The following METTL8 variants were observed in gnomAD, a reference collection of about 807,000 sequenced individuals.
The protein encoded by METTL8 is tRNA N(3)-cytidine methyltransferase METTL8, mitochondrial.
In METTL8, 32 loss-of-function variants were observed where a neutral mutation model predicts 48.7. The observed-to-expected ratio is 0.66, with a 90% confidence interval of 0.50 to 0.88. The LOEUF (loss-of-function observed/expected upper bound fraction) is 0.88. Among genes scored for constraint, METTL8 ranks in the 40% least tolerant of loss-of-function variants. METTL8 has a pLI of 0.00. For missense variants in METTL8, 464 were observed against 474.4 expected (o/e 0.98, Z 0.20); for synonymous variants, 136 against 157.1 (o/e 0.87, Z 1.01).
intron 5 of METTL8, chr2:171,332,720 T>C (rs1685667156): frequency 6.6e-6 from 1 of 152,240 alleles, no homozygotes; most frequent in Admixed American, 6.5e-5. Context: ...ATGGGTTTTA[T>C]AGTCTAGTTG....
rs1279514022 is a variant in METTL8 at position 171,319,414 on chromosome 2, T to C, written c.*4758A>G. 6.6e-6 allele frequency: 1 copy of C among 152,226 alleles called. No individual in the cohort carries two copies. Among genetic ancestry groups the C allele is most frequent in the Non-Finnish European group, 1.5e-5 (1 of 68,038 alleles). 9.4% of individuals were successfully genotyped at this position (152,226 alleles called of 1,614,324 possible). On this transcript the variant is annotated 3_prime_UTR_variant, in exon 10 of 10. Transcript: ENST00000375258. ...CATCAAAACCAATTAGAAGTAACAA[T>C]GTGTGATCTATTCAGGCTTCAGGAC...
At chr2:171,397,983 T>C (rs923252648) in intron 1 of METTL8, among the ~76,000 whole-genome samples, 3 of 152,114 alleles carry the variant, frequency 2.0e-5, no homozygotes, top group African/African-American at 4.8e-5. Context: ...ACCCAGAATA[T>C]AACAAGTATT....
At chr2:171,340,795 C>A (rs1453274475) in intron 3 of METTL8, among the ~76,000 whole-genome samples, 1 of 152,166 alleles carries the variant, frequency 6.6e-6, no homozygotes, top group African/African-American at 2.4e-5. Flanking sequence ...CACAGTGAAT[C>A]CATGGCCATG....
chr2:171,386,892 C>T (rs2105548171), intron 2 of METTL8, among the ~76,000 whole-genome samples: 1 of 152,266 alleles, frequency 6.6e-6, no homozygotes, highest in South Asian at 2.1e-4. Flanking sequence ...AGAAGCACAT[C>T]AGGAGGCACC....
chr2:171,341,144 A>G (rs930786283), intron 3 of METTL8, among the ~76,000 whole-genome samples: 9 of 151,976 alleles, frequency 5.9e-5, no homozygotes, highest in African/African-American at 1.4e-4. Flanking sequence ...CCTGACCAAC[A>G]TGGTGAAACC....
At chr2:171,418,739 A>G (rs764986941) in intron 1 of METTL8, among the ~76,000 whole-genome samples, 1 of 152,060 alleles carries the variant, frequency 6.6e-6, no homozygotes, top group Non-Finnish European at 1.5e-5. Flanking sequence ...GGATCACCTA[A>G]GCTCAGGAGT....
chr2:171,423,622 C>T (rs1026774849), intron 1 of METTL8, among the ~76,000 whole-genome samples: 1 of 152,162 alleles, frequency 6.6e-6, no homozygotes, highest in African/African-American at 2.4e-5. Flanking sequence ...TGCAAAGATA[C>T]TGGAGGCATT....
At chr2:171,330,764 TAAATAAAAAGGTCAAA>T in intron 6 of METTL8, 66 bp from the exon 7 acceptor site, 7 of 1,280,838 alleles carry the variant, frequency 5.5e-6, no homozygotes, top group Non-Finnish European at 6.4e-6. Context: ...TTTTTTTTTT[TAAATAAAAAGGTCAAA>T]TTTTTAACCT....
chr2:171,358,620 G>A (rs567045564), intron 3 of METTL8, among the ~76,000 whole-genome samples: 38 of 152,202 alleles, frequency 2.5e-4, no homozygotes, highest in African/African-American at 8.9e-4. Flanking sequence ...GCAGAAGAAT[G>A]AAACTAGATT....
rs1315444278 is a variant in METTL8, at chr2:171,333,544, C to G, written c.657-1677G>C. On this transcript the variant is annotated intron_variant, in intron 5 of 9. Transcript: ENST00000375258. ...ATTAATAGGATTTTGTTATGAAAAG[C>G]TAACCAGTACTGAATCAAAGTTAAA... Among the ~76,000 whole-genome samples, 3 of 152,202 alleles carry G rather than the reference C, an allele frequency of 2.0e-5. No individual in the cohort carries two copies. In the East Asian group the frequency reaches 5.8e-4, roughly 29 times the overall value.
intron 4 of METTL8, among the ~76,000 whole-genome samples, chr2:171,338,897 A>C (rs149409194): frequency 2.0e-5 from 3 of 152,300 alleles, no homozygotes; most frequent in African/African-American, 7.2e-5. Flanking sequence ...GTAAAAATTA[A>C]GGCCAAAGCT....
intron 3 of METTL8, among the ~76,000 whole-genome samples, chr2:171,354,833 C>T (rs570515851): frequency 1.6e-4 from 24 of 151,978 alleles, no homozygotes; most frequent in South Asian, 4.2e-4. Context: ...GACTTCTCTA[C>T]GCTGTTTATT....
At chr2:171,327,184 C>G (rs2105388599) in intron 7 of METTL8, 1 of 152,324 alleles carries the variant, frequency 6.6e-6, no homozygotes, top group African/African-American at 2.4e-5. Context: ...TTGCTTTTCT[C>G]CTTTACTGTT....
At chr2:171,372,875 A>G (rs536435040) in intron 2 of METTL8, among the ~76,000 whole-genome samples, 137 of 152,194 alleles carry the variant, frequency 9.0e-4, no homozygotes, top group African/African-American at 1.2e-3. Flanking sequence ...TCTTCATCCA[A>G]TCTATCACTG....
At chr2:171,370,574 G>T (rs1686219386) in intron 2 of METTL8, among the ~76,000 whole-genome samples, 1 of 152,132 alleles carries the variant, frequency 6.6e-6, no homozygotes, top group Non-Finnish European at 1.5e-5. Context: ...GGCAGATCAT[G>T]AGGTAAGGAG....
rs150536147 is a variant in METTL8 at position 171,343,161 on chromosome 2, G to A, written c.236-3607C>T. Among the ~76,000 whole-genome samples the A allele has an allele frequency of 6.4e-3, 971 of 152,210 alleles. 12 individuals carry two copies. The highest frequency in any genetic ancestry group is 0.021 in the African/African-American group (882 of 41,522). Reference sequence around the variant, plus strand: ...AATTTAAAAATAAAAGATAATAAGCGGGGCATGATGGCTCATGCCTACAAT... The same window carrying A: ...AATTTAAAAATAAAAGATAATAAGCAGGGCATGATGGCTCATGCCTACAAT... On this transcript the variant is annotated intron_variant, in intron 3 of 9. Coordinates refer to ENST00000375258, the MANE Select transcript of METTL8 (RefSeq NM_001321154.2).
intron 1 of METTL8, among the ~76,000 whole-genome samples, chr2:171,401,409 G>A (rs1001954391): frequency 2.6e-5 from 4 of 152,090 alleles, no homozygotes; most frequent in Non-Finnish European, 5.9e-5. Context: ...TATAAATAAG[G>A]TTATTAGCAA....
At chr2:171,348,350 C>T (rs962302361) in intron 3 of METTL8, among the ~76,000 whole-genome samples, 3 of 152,186 alleles carry the variant, frequency 2.0e-5, no homozygotes, top group Non-Finnish European at 4.4e-5. Flanking sequence ...CTACTCAACA[C>T]TGTGACTATA....
chr2:171,327,139 C>G (rs1232355406), intron 7 of METTL8: 1 of 152,238 alleles, frequency 6.6e-6, no homozygotes, highest in Non-Finnish European at 1.5e-5. Context: ...AAATTTTATT[C>G]ACATTCCAAG....
Sources: allele counts gnomAD v4.1 joint callset (sites outside exome capture counted in the v4.1 genomes callset), GRCh38; gene constraint gnomAD v4.1.1; transcripts MANE v1.5; gene names NCBI Gene and HGNC (gene_info 2026-07-23, HGNC 2026-07-21).